Variants in TBC1D32 observed in about 807,000 individuals in gnomAD.
TBC1D32 encodes protein broad-minded.
Under a neutral mutation model 170.3 loss-of-function variants are expected in TBC1D32, and 151 were observed. The observed-to-expected ratio is 0.89, with a 90% CI of 0.78 to 1.01. The LOEUF is 1.01. Among genes scored for constraint, TBC1D32 ranks in the 50% least tolerant of loss-of-function variants. The pLI is 0.00. For synonymous variants in TBC1D32, 498 were observed against 488.0 expected, an observed-to-expected ratio of 1.02 and a Z score of -0.27; for missense variants, 1,464 against 1,457.1, an observed-to-expected ratio of 1.00 and a Z score of -0.08.
chr6:121,170,058 G>A (rs1786742338), intron 22 of TBC1D32, among the ~76,000 whole-genome samples: 1 of 151,842 alleles, frequency 6.6e-6, no homozygotes, highest in Non-Finnish European at 1.5e-5. Flanking sequence ...AAGGCGATAT[G>A]GTTTATGGAA....
At chr6:121,182,055 A>G (rs1402628660) in intron 22 of TBC1D32, among the ~76,000 whole-genome samples, 2 of 152,068 alleles carry the variant, frequency 1.3e-5, no homozygotes, top group East Asian at 3.9e-4. Flanking sequence ...AAATGTAAAA[A>G]CCCAAAAATA....
chr6:121,222,002 T>G (rs1437434301), intron 21 of TBC1D32, among the ~76,000 whole-genome samples: 1 of 152,138 alleles, frequency 6.6e-6, no homozygotes, highest in Non-Finnish European at 1.5e-5. Context: ...TGCAGTGAAC[T>G]TCACTGTTCT....
At chr6:121,143,074 C>T (rs1257663676) in intron 24 of TBC1D32, among the ~76,000 whole-genome samples, 2 of 152,136 alleles carry the variant, frequency 1.3e-5, no homozygotes, top group African/African-American at 2.4e-5. Context: ...CTAGCTATAA[C>T]ATTAGTACCA....
At chr6:121,126,550 G>C (rs540108728) in intron 25 of TBC1D32, 89 bp from the exon 26 acceptor site, 171 of 925,216 alleles carry the variant, frequency 1.8e-4, no homozygotes, top group Non-Finnish European at 2.7e-4. Context: ...GTAGGTAAAA[G>C]TCATCTGAAC....
intron 21 of TBC1D32, among the ~76,000 whole-genome samples, chr6:121,220,667 G>T (rs1462303528): frequency 7.3e-6 from 1 of 136,348 alleles, no homozygotes; most frequent in African/African-American, 2.9e-5. Flanking sequence ...TTGAGATTGA[G>T]TCTCATTCTA....
intron 24 of TBC1D32, among the ~76,000 whole-genome samples, chr6:121,157,717 A>C (rs1171872778): frequency 6.6e-6 from 1 of 152,056 alleles, no homozygotes. Context: ...GAATTCCCTT[A>C]GTAGTTGCTT....
intron 20 of TBC1D32, among the ~76,000 whole-genome samples, chr6:121,228,676 T>C (rs891953963): frequency 2.0e-4 from 30 of 152,240 alleles, no homozygotes; most frequent in African/African-American, 7.0e-4. Flanking sequence ...ACATGGTCTA[T>C]CTTTGAGGAC....
At chr6:121,326,980 T>C (rs1208877902) in intron 1 of TBC1D32, among the ~76,000 whole-genome samples, 1 of 152,142 alleles carries the variant, frequency 6.6e-6, no homozygotes, top group African/African-American at 2.4e-5. Context: ...CATCCAACAA[T>C]TAATTTTATG....
chr6:121,261,055 T>C (rs193133495), intron 15 of TBC1D32, among the ~76,000 whole-genome samples: 406 of 152,158 alleles, frequency 2.7e-3, no homozygotes, highest in Admixed American at 4.5e-3. Flanking sequence ...GGATGCTGAC[T>C]CAACCCTCCT....
chr6:121,190,425 C>A (rs1459683800), intron 22 of TBC1D32, among the ~76,000 whole-genome samples: 3 of 147,014 alleles, frequency 2.0e-5, no homozygotes, highest in Non-Finnish European at 4.5e-5. Flanking sequence ...CTCTCTCTAC[C>A]CCCCTACACA....
chr6:121,235,673 A>G (rs1165887552), intron 20 of TBC1D32, among the ~76,000 whole-genome samples: 1 of 152,168 alleles, frequency 6.6e-6, no homozygotes, highest in Non-Finnish European at 1.5e-5. Flanking sequence ...CCCAGACCAC[A>G]AGCCTCTTTG....
chr6:121,244,819 C>T (rs1033349155), intron 17 of TBC1D32, among the ~76,000 whole-genome samples: 1 of 152,090 alleles, frequency 6.6e-6, no homozygotes, highest in African/African-American at 2.4e-5. Flanking sequence ...AAGTTATTGT[C>T]CAATACGTTA....
chr6:121,325,111 C>G (rs1408806348), intron 1 of TBC1D32, among the ~76,000 whole-genome samples: 1 of 151,268 alleles, frequency 6.6e-6, no homozygotes, highest in Non-Finnish European at 1.5e-5. Context: ...ACTTGGGAGG[C>G]TGAGGCAGGA....
rs773118324 is a variant in TBC1D32, at chr6:121,161,070, T to C, written c.2571-14A>G. On this transcript the variant is annotated splice_polypyrimidine_tract_variant and intron_variant, in intron 22 of 31. Coordinates refer to ENST00000398212, the MANE Select transcript of TBC1D32 (RefSeq NM_152730.6). ...ATTATAAAGTCCCTGAAAAAATAAA[T>C]ATATCACCTTTGTCATCCTTTTGAT... The C allele has an allele frequency of 1.9e-6, 3 of 1,564,944 alleles. No homozygotes were observed. Among genetic ancestry groups the C allele is most frequent in the Non-Finnish European group, 2.6e-6 (3 of 1,139,138 alleles).
At chr6:121,233,842 G>A (rs949397998) in intron 20 of TBC1D32, among the ~76,000 whole-genome samples, 18 of 152,104 alleles carry the variant, frequency 1.2e-4, no homozygotes, top group African/African-American at 4.1e-4. Flanking sequence ...TTCTATTTTG[G>A]TGTATTTCGA....
intron 31 of TBC1D32, among the ~76,000 whole-genome samples, chr6:121,088,813 C>T (rs986516143): frequency 1.3e-5 from 2 of 152,168 alleles, no homozygotes; most frequent in Admixed American, 6.5e-5. Flanking sequence ...TTTAAACCAA[C>T]GCTATTCAAA....
chr6:121,259,990 C>G (rs1036580082), intron 15 of TBC1D32, among the ~76,000 whole-genome samples: 2 of 152,112 alleles, frequency 1.3e-5, no homozygotes, highest in Non-Finnish European at 2.9e-5. Context: ...AGACCCATCA[C>G]CATTTCCACC....
chr6:121,240,966 C>G lies in TBC1D32; in HGVS notation c.2245+499G>C, dbSNP rs566660235. 2.7e-5 allele frequency among the ~76,000 whole-genome samples: 4 copies of G among 148,176 alleles called. No homozygotes were observed. The South Asian group carries it at 8.7e-4, about 32-fold the overall frequency. On this transcript the variant is annotated intron_variant, in intron 19 of 31. Coordinates refer to ENST00000398212, the MANE Select transcript of TBC1D32 (RefSeq NM_152730.6). The stretch of plus-strand genomic sequence containing the variant: ...TGGACAGGGAAGAATATGTACTTAA[C>G]TGTCAACTTCAAAGATAATGTGAAA...
chr6:121,225,997 A>T (rs1397799100), intron 20 of TBC1D32, among the ~76,000 whole-genome samples: 1 of 152,146 alleles, frequency 6.6e-6, no homozygotes, highest in Non-Finnish European at 1.5e-5. Context: ...TGCAATAATG[A>T]TAAGGAAACT....
Sources: allele counts gnomAD v4.1 joint callset (sites outside exome capture counted in the v4.1 genomes callset), GRCh38; gene constraint gnomAD v4.1.1; transcripts MANE v1.5; gene names NCBI Gene and HGNC (gene_info 2026-07-23, HGNC 2026-07-21).